The following COL21A1 variants were observed in gnomAD, a reference collection of about 807,000 sequenced individuals.
COL21A1 encodes collagen type XXI alpha 1 chain.
COL21A1 carries 149 observed loss-of-function variants against 137.9 expected under a neutral mutation model. That is an observed-to-expected ratio of 1.08 (90% CI 0.95 to 1.24). The LOEUF (loss-of-function observed/expected upper bound fraction) is 1.24. COL21A1 is among the 50% of genes most tolerant of loss of function. The pLI is 0.00. For synonymous variants in COL21A1, 456 were observed against 391.5 expected, an observed-to-expected ratio of 1.16 and a Z score of -1.95; for missense variants, 1,167 against 1,158.4, an observed-to-expected ratio of 1.01 and a Z score of -0.11.
intron 1 of COL21A1, among the ~76,000 whole-genome samples, chr6:56,268,901 A>G (rs913455206): frequency 6.6e-6 from 1 of 152,224 alleles, no homozygotes; most frequent in Admixed American, 6.5e-5. Flanking sequence ...GAGCTGAAAG[A>G]TGAAACAGCC....
chr6:56,275,992 T>C (rs1325473786), intron 1 of COL21A1, among the ~76,000 whole-genome samples: 1 of 152,168 alleles, frequency 6.6e-6, no homozygotes, highest in East Asian at 1.9e-4. Context: ...TAACAGTGAA[T>C]TGGATGAATC....
intron 10 of COL21A1, among the ~76,000 whole-genome samples, chr6:56,144,668 C>A (rs986072119): frequency 1.3e-5 from 2 of 152,184 alleles, no homozygotes; most frequent in Non-Finnish European, 2.9e-5. Context: ...ATAGAGGACG[C>A]ATTTCATTTT....
chr6:56,282,089 T>C (rs1482669490), intron 1 of COL21A1, among the ~76,000 whole-genome samples: 1 of 152,202 alleles, frequency 6.6e-6, no homozygotes, highest in Non-Finnish European at 1.5e-5. Flanking sequence ...ACTGGTGCCT[T>C]CAAATTTCAG....
chr6:56,100,021 T>A (rs149925166), intron 17 of COL21A1, among the ~76,000 whole-genome samples: 1 of 152,352 alleles, frequency 6.6e-6, no homozygotes, highest in African/African-American at 2.4e-5. Context: ...CTCACAAAAC[T>A]TCAATGACAA....
At chr6:56,122,663 A>G (rs1772655797) in intron 16 of COL21A1, among the ~76,000 whole-genome samples, 1 of 152,198 alleles carries the variant, frequency 6.6e-6, no homozygotes, top group Non-Finnish European at 1.5e-5. Flanking sequence ...AAAACAGTGA[A>G]CTGATGTTTA....
chr6:56,331,253 A>ATT (rs76606883), intron 1 of COL21A1, among the ~76,000 whole-genome samples: 2 of 140,230 alleles, frequency 1.4e-5, no homozygotes, highest in Non-Finnish European at 1.6e-5. Context: ...CAGGTTGTCT[A>ATT]TTTTTTTTTT....
intron 1 of COL21A1, among the ~76,000 whole-genome samples, chr6:56,275,778 T>C (rs1207925323): frequency 6.6e-6 from 1 of 152,188 alleles, no homozygotes; most frequent in African/African-American, 2.4e-5. Flanking sequence ...TTGGTGGGAA[T>C]ACAAATGACT....
At chr6:56,293,123 C>T (rs1406437674) in intron 1 of COL21A1, among the ~76,000 whole-genome samples, 1 of 152,082 alleles carries the variant, frequency 6.6e-6, no homozygotes, top group African/African-American at 2.4e-5. Context: ...ACAGTGAAAG[C>T]AGAAGTTTCC....
chr6:56,341,363 TTTG>T (rs1384423582), intron 1 of COL21A1, among the ~76,000 whole-genome samples: 2 of 152,156 alleles, frequency 1.3e-5, no homozygotes, highest in Non-Finnish European at 2.9e-5. Context: ...AATAATTACA[TTTG>T]TTGTGGTAAA....
intron 1 of COL21A1, among the ~76,000 whole-genome samples, chr6:56,214,971 C>T (rs150761729): frequency 2.1e-3 from 315 of 152,148 alleles, no homozygotes; most frequent in African/African-American, 7.1e-3. Flanking sequence ...TAAATTAAAA[C>T]GTCCAGTCAC....
chr6:56,276,126 C>T (rs554398923), intron 1 of COL21A1, among the ~76,000 whole-genome samples: 1 of 152,266 alleles, frequency 6.6e-6, no homozygotes, highest in African/African-American at 2.4e-5. Context: ...GAACAGAATG[C>T]TAAATACCAC....
At chr6:56,111,891 GA>G (rs1298898004) in intron 16 of COL21A1, among the ~76,000 whole-genome samples, 1 of 150,372 alleles carries the variant, frequency 6.7e-6, no homozygotes, top group Non-Finnish European at 1.5e-5. Flanking sequence ...AAAAGAAAAA[GA>G]AAAAACTTTA....
At chr6:56,103,621 C>T (rs759544372) in intron 16 of COL21A1, among the ~76,000 whole-genome samples, 12 of 152,038 alleles carry the variant, frequency 7.9e-5, no homozygotes, top group Non-Finnish European at 1.8e-4. Context: ...GTTTTAAAAA[C>T]GTAAGTAGCC....
intron 1 of COL21A1, among the ~76,000 whole-genome samples, chr6:56,307,852 G>T (rs72870212): frequency 3.9e-5 from 6 of 151,996 alleles, no homozygotes; most frequent in African/African-American, 1.4e-4. Context: ...TTCCTATTCG[G>T]CCATCTTGGC....
intron 17 of COL21A1, 29 bp downstream of exon 17, chr6:56,101,443 T>C: frequency 6.5e-7 from 1 of 1,544,682 alleles, no homozygotes; most frequent in East Asian, 2.3e-5. Context: ...GAACTTCATC[T>C]TTTAGAACTG....
At chr6:56,233,875 C>T (rs1480558471) in intron 1 of COL21A1, among the ~76,000 whole-genome samples, 2 of 151,686 alleles carry the variant, frequency 1.3e-5, no homozygotes, top group South Asian at 4.1e-4. Flanking sequence ...AGAGACTTCT[C>T]ATCACAAAAG....
At chr6:56,092,976 C>G (rs1768981152) in intron 17 of COL21A1, among the ~76,000 whole-genome samples, 1 of 152,098 alleles carries the variant, frequency 6.6e-6, no homozygotes, top group Admixed American at 6.6e-5. Context: ...GGATACATCA[C>G]TCCAATCTTA....
intron 24 of COL21A1, among the ~76,000 whole-genome samples, chr6:56,063,680 C>T (rs909953869): frequency 6.6e-6 from 1 of 152,036 alleles, no homozygotes; most frequent in Non-Finnish European, 1.5e-5. Flanking sequence ...CCTTGGGGCC[C>T]TATGCTTACA....
At position 56,172,170 on chromosome 6, in the gene COL21A1, T is replaced by G. The variant is rs145946346; in HGVS notation, c.641-1042A>C. ...TGGGAAAGGATATGGATACTCGAATTCAAGAAGCCTAATATATGCTAAGTT... is the reference window on the plus strand; with the variant it reads ...TGGGAAAGGATATGGATACTCGAATGCAAGAAGCCTAATATATGCTAAGTT... On this transcript the variant is annotated intron_variant, in intron 3 of 29. Coordinates refer to ENST00000244728, the MANE Select transcript of COL21A1 (RefSeq NM_030820.4). Among the ~76,000 whole-genome samples, 3 of 151,842 alleles carry G rather than the reference T, an allele frequency of 2.0e-5. No individual in the cohort carries two copies. In the East Asian group the frequency reaches 5.8e-4, roughly 29 times the overall value.
Sources: gnomAD v4.1 joint callset for allele counts (sites outside exome capture counted in the v4.1 genomes callset) on GRCh38, gnomAD v4.1.1 for gene constraint, MANE v1.5 for transcripts, NCBI Gene and HGNC (gene_info 2026-07-23, HGNC 2026-07-21) for gene names.